Variants in SHISA9 observed in about 807,000 individuals in gnomAD.
SHISA9 encodes protein shisa-9.
Under a neutral mutation model 38.0 loss-of-function variants are expected in SHISA9, and 13 were observed. The observed-to-expected ratio is 0.34, with a 90% CI of 0.22 to 0.54. The LOEUF is 0.54. Among genes scored for constraint, SHISA9 ranks in the 20% least tolerant of loss-of-function variants. SHISA9 has a pLI of 0.91. For synonymous variants in SHISA9, 275 were observed against 242.0 expected (o/e 1.14, Z -1.27); for missense variants, 538 against 575.8 (o/e 0.93, Z 0.67).
chr16:13,313,051 C>T, the SHISA9 span, among the ~76,000 whole-genome samples: 6 of 150,974 alleles, frequency 4.0e-5, no homozygotes, highest in African/African-American at 1.5e-4. Flanking sequence ...GTCAGGAGTT[C>T]GAGACCATCC....
intron 2 of SHISA9, among the ~76,000 whole-genome samples, chr16:12,951,662 G>T (rs1196954815): frequency 6.6e-6 from 1 of 152,142 alleles, no homozygotes; most frequent in Non-Finnish European, 1.5e-5. Flanking sequence ...CCTGGTAAAA[G>T]GATCTGGGGG....
chr16:13,163,204 T>G (rs971230130), intron 2 of SHISA9, among the ~76,000 whole-genome samples: 6 of 152,184 alleles, frequency 3.9e-5, no homozygotes, highest in Admixed American at 1.3e-4. Flanking sequence ...TGAGAAAATG[T>G]ATTTGAAAAT....
At chr16:12,989,637 A>G (rs768841820) in intron 2 of SHISA9, among the ~76,000 whole-genome samples, 1 of 151,762 alleles carries the variant, frequency 6.6e-6, no homozygotes, top group African/African-American at 2.4e-5. Flanking sequence ...TACTTAAATA[A>G]TTTTGTTCTT....
chr16:13,176,614 T>C (rs565527240), intron 2 of SHISA9, among the ~76,000 whole-genome samples: 5 of 152,064 alleles, frequency 3.3e-5, no homozygotes, highest in Non-Finnish European at 7.3e-5. Flanking sequence ...GAGTTCTGAA[T>C]TCAGCCCAAG....
chr16:13,502,490 CT>C, the SHISA9 span, among the ~76,000 whole-genome samples: 1 of 152,218 alleles, frequency 6.6e-6, no homozygotes, highest in East Asian at 1.9e-4. Context: ...TATTGTATAC[CT>C]ACCATGCGTC....
At chr16:13,277,654 C>T in the SHISA9 span, among the ~76,000 whole-genome samples, 5 of 151,486 alleles carry the variant, frequency 3.3e-5, no homozygotes, top group Admixed American at 3.3e-4. Context: ...AGGTATATTC[C>T]TAAGTTTTTT....
the SHISA9 span, among the ~76,000 whole-genome samples, chr16:13,308,195 G>A: frequency 5.8e-5 from 8 of 137,724 alleles, no homozygotes; most frequent in East Asian, 2.2e-4. Flanking sequence ...TAACGCACAC[G>A]ACATCAAATT....
At chr16:13,106,045 C>T (rs1276680923) in intron 2 of SHISA9, among the ~76,000 whole-genome samples, 1 of 152,032 alleles carries the variant, frequency 6.6e-6, no homozygotes, top group Admixed American at 6.6e-5. Context: ...AGCCCTATGC[C>T]ATTATTATTT....
At chr16:13,509,373 C>G in the SHISA9 span, among the ~76,000 whole-genome samples, 1 of 152,164 alleles carries the variant, frequency 6.6e-6, no homozygotes, top group Non-Finnish European at 1.5e-5. Flanking sequence ...CTCAGACTGC[C>G]TGGATTCAAA....
chr16:13,186,147 CA>C (rs2050819803), intron 2 of SHISA9, among the ~76,000 whole-genome samples: 1 of 151,716 alleles, frequency 6.6e-6, no homozygotes, highest in South Asian at 2.1e-4. Flanking sequence ...TTCTTATCTT[CA>C]AAATGAATAC....
In SHISA9 at chr16:13,197,682, G is replaced by A. The variant is rs187271363; in HGVS notation, c.692-5712G>A. 5.3e-5 allele frequency: 8 copies of A among 152,300 alleles called. No homozygotes were observed. The East Asian group carries it at 1.5e-3, about 29-fold the overall frequency. 9.4% of individuals were successfully genotyped at this position (152,300 alleles called of 1,614,324 possible). ...TGCATGGAAAAACAGCATCACAGAA[G>A]GGCAAGTCTTCATTCATTATTTCGA... On this transcript the variant is annotated intron_variant, in intron 2 of 4. Coordinates refer to ENST00000558583, the MANE Select transcript of SHISA9 (RefSeq NM_001145204.3).
At chr16:13,114,908 A>G (rs1419207904) in intron 2 of SHISA9, among the ~76,000 whole-genome samples, 1 of 151,046 alleles carries the variant, frequency 6.6e-6, no homozygotes, top group African/African-American at 2.5e-5. Flanking sequence ...AACTCCATCC[A>G]TCCATCCATC....
At chr16:13,217,870 A>AGGCT (rs1269308192) in intron 4 of SHISA9, among the ~76,000 whole-genome samples, 1 of 152,066 alleles carries the variant, frequency 6.6e-6, no homozygotes, top group East Asian at 1.9e-4. Flanking sequence ...TCTCTACTAA[A>AGGCT]AATTGAAAAA....
chr16:13,071,335 G>T (rs2141922981), intron 2 of SHISA9, among the ~76,000 whole-genome samples: 1 of 152,256 alleles, frequency 6.6e-6, no homozygotes, highest in South Asian at 2.1e-4. Context: ...TTTCTGTATG[G>T]TTGGCAGGCT....
chr16:13,114,397 C>T (rs755820462), intron 2 of SHISA9, among the ~76,000 whole-genome samples: 5 of 136,978 alleles, frequency 3.7e-5, no homozygotes, highest in South Asian at 2.5e-4. Context: ...ACCCAGTAGG[C>T]GGAGCTTGCA....
intron 2 of SHISA9, among the ~76,000 whole-genome samples, chr16:12,918,015 A>G (rs1015767351): frequency 2.0e-5 from 3 of 152,218 alleles, no homozygotes; most frequent in African/African-American, 7.2e-5. Context: ...GTGTGTTAGT[A>G]AAGTCAATGT....
chr16:13,211,777 G>A (rs2051122216), intron 3 of SHISA9, among the ~76,000 whole-genome samples: 1 of 152,188 alleles, frequency 6.6e-6, no homozygotes, highest in Non-Finnish European at 1.5e-5. Flanking sequence ...AATGGTTCCT[G>A]CCTTCAAGGC....
At chr16:13,408,343 A>G in the SHISA9 span, among the ~76,000 whole-genome samples, 18 of 152,188 alleles carry the variant, frequency 1.2e-4, no homozygotes, top group Non-Finnish European at 2.1e-4. Flanking sequence ...ACAAATATTA[A>G]AAGCTGATAA....
intron 2 of SHISA9, among the ~76,000 whole-genome samples, chr16:13,190,819 A>AT (rs538770190): frequency 8.7e-4 from 133 of 152,254 alleles, no homozygotes; most frequent in African/African-American, 3.2e-3. Context: ...AAATGGTTCA[A>AT]ATTTTTTTTT....
Sources: allele counts gnomAD v4.1 joint callset (sites outside exome capture counted in the v4.1 genomes callset), GRCh38; gene constraint gnomAD v4.1.1; transcripts MANE v1.5; gene names NCBI Gene and HGNC (gene_info 2026-07-23, HGNC 2026-07-21).